TRPM3: variants seen among roughly 807,000 people sequenced by gnomAD.
TRPM3 encodes the protein long transient receptor potential channel 3.
A neutral mutation model predicts 181.2 loss-of-function variants in TRPM3; 77 were observed. The observed-to-expected ratio is 0.42, with a 90% confidence interval of 0.35 to 0.51. TRPM3 has a LOEUF of 0.51. Ranked by LOEUF, TRPM3 falls within the 20% of genes least tolerant of loss-of-function variation. TRPM3 has a pLI of 0.01. For missense variants in TRPM3, 1,759 were observed against 2,196.7 expected (o/e 0.80, Z 3.98); for synonymous variants, 745 against 796.4 (o/e 0.94, Z 1.09).
At chr9:70,619,162 C>T (rs1275675004) in intron 16 of TRPM3, 67 bp from the exon 17 acceptor site, 6 of 1,372,822 alleles carry the variant, frequency 4.4e-6, no homozygotes, top group Non-Finnish European at 6.0e-6. Context: ...AAAAGTGGAC[C>T]TGCTGGCCAA....
At chr9:70,806,395 A>G (rs1385788752) in intron 6 of TRPM3, among the ~76,000 whole-genome samples, 3 of 152,154 alleles carry the variant, frequency 2.0e-5, no homozygotes, top group African/African-American at 7.2e-5. Context: ...TAAGGGGTTC[A>G]AGGTTAACAA....
intron 9 of TRPM3, among the ~76,000 whole-genome samples, chr9:70,681,256 T>C (rs944103514): frequency 6.6e-6 from 1 of 152,178 alleles, no homozygotes; most frequent in Non-Finnish European, 1.5e-5. Context: ...TTTTTCTTTA[T>C]ATACGTTTAT....
intron 1 of TRPM3, among the ~76,000 whole-genome samples, chr9:71,295,822 G>A (rs1041955584): frequency 7.7e-6 from 1 of 130,440 alleles, no homozygotes; most frequent in East Asian, 2.3e-4. Flanking sequence ...TTGGGCAACA[G>A]AGTGAGATCC....
chr9:70,630,112 T>G (rs1455671459), intron 12 of TRPM3, among the ~76,000 whole-genome samples: 1 of 152,146 alleles, frequency 6.6e-6, no homozygotes, highest in Non-Finnish European at 1.5e-5. Flanking sequence ...GGGGAACTTA[T>G]GGATACTCAT....
At chr9:70,635,345 G>T (rs2056983695) in intron 11 of TRPM3, 84 bp from the exon 12 acceptor site, 1 of 1,216,712 alleles carries the variant, frequency 8.2e-7, no homozygotes. Context: ...AAGGAAGGGT[G>T]CTGGCTGGTG....
intron 1 of TRPM3, among the ~76,000 whole-genome samples, chr9:71,097,639 T>A (rs570100495): frequency 1.2e-4 from 19 of 152,052 alleles, no homozygotes; most frequent in Non-Finnish European, 1.9e-4. Flanking sequence ...GTCCCACTAT[T>A]CCAGCTTATG....
At chr9:70,820,498 G>C (rs1166581478) in intron 6 of TRPM3, among the ~76,000 whole-genome samples, 1 of 152,118 alleles carries the variant, frequency 6.6e-6, no homozygotes, top group Non-Finnish European at 1.5e-5. Context: ...CAAAGTGCTG[G>C]GATCACAGGC....
chr9:70,895,555 T>C (rs1334137648), intron 1 of TRPM3, among the ~76,000 whole-genome samples: 2 of 152,192 alleles, frequency 1.3e-5, no homozygotes, highest in African/African-American at 4.8e-5. Context: ...ATAAATGGAC[T>C]ATAGAAAATT....
intron 5 of TRPM3, among the ~76,000 whole-genome samples, chr9:70,835,847 G>T (rs2094285256): frequency 6.6e-6 from 1 of 152,086 alleles, no homozygotes; most frequent in African/African-American, 2.4e-5. Context: ...AAGGATAATG[G>T]CTAAGAATAT....
intron 1 of TRPM3, among the ~76,000 whole-genome samples, chr9:71,190,975 T>C (rs1030419736): frequency 6.6e-6 from 1 of 151,922 alleles, no homozygotes; most frequent in South Asian, 2.1e-4. Context: ...CAATATTCAT[T>C]TTCTGAGCAT....
chr9:70,891,608 T>C (rs2096204176), intron 1 of TRPM3, among the ~76,000 whole-genome samples: 1 of 152,050 alleles, frequency 6.6e-6, no homozygotes, highest in South Asian at 2.1e-4. Flanking sequence ...AATAGCAAAA[T>C]TTGGAAAAAC....
intron 1 of TRPM3, among the ~76,000 whole-genome samples, chr9:71,352,043 T>A (rs2091667466): frequency 6.6e-6 from 1 of 151,902 alleles, no homozygotes; most frequent in Non-Finnish European, 1.5e-5. Flanking sequence ...ACCCGGCTAA[T>A]TTTTTGTATT....
intron 3 of TRPM3, among the ~76,000 whole-genome samples, chr9:70,850,995 T>C (rs983556938): frequency 6.6e-6 from 1 of 152,234 alleles, no homozygotes; most frequent in Non-Finnish European, 1.5e-5. Flanking sequence ...TAAAATTATT[T>C]GCCCCTTGCA....
chr9:71,359,289 G>C (rs1490571543), intron 1 of TRPM3, among the ~76,000 whole-genome samples: 2 of 152,168 alleles, frequency 1.3e-5, no homozygotes. Context: ...ACTGAGGTGG[G>C]TGTGTATGTG....
intron 1 of TRPM3, among the ~76,000 whole-genome samples, chr9:71,342,503 C>A (rs77972335): frequency 6.6e-6 from 1 of 151,300 alleles, no homozygotes. Flanking sequence ...CTCCATGAAG[C>A]GATATGAAAT....
intron 22 of TRPM3, among the ~76,000 whole-genome samples, chr9:70,581,959 CTTTCTTCCT>C (rs980317290): frequency 1.2e-4 from 5 of 43,422 alleles, no homozygotes; most frequent in Non-Finnish European, 2.7e-4. Flanking sequence ...CTTCTCCTTC[CTTTCTTCCT>C]TCCTTCTCTC....
chr9:70,993,790 AAAAAAAAAAAAAAAAG>A (rs1310929708), intron 1 of TRPM3, among the ~76,000 whole-genome samples: 1 of 142,134 alleles, frequency 7.0e-6, no homozygotes, highest in East Asian at 2.1e-4. Context: ...ATCTCAAAAA[AAAAAAAAAAAAAAAAG>A]AAAGAAAGAA....
At chr9:70,673,949 CAAAAA>C (rs5898160) in intron 9 of TRPM3, among the ~76,000 whole-genome samples, 1 of 89,646 alleles carries the variant, frequency 1.1e-5, no homozygotes, top group Admixed American at 1.4e-4. Context: ...AACTCCATCT[CAAAAA>C]AAAAAAAAAA....
intron 1 of TRPM3, among the ~76,000 whole-genome samples, chr9:71,041,127 G>C (rs2058764242): frequency 6.6e-6 from 1 of 152,044 alleles, no homozygotes; most frequent in Non-Finnish European, 1.5e-5. Flanking sequence ...CTTGCTTTGG[G>C]GAAAGTCAAA....
Sources: gnomAD v4.1 joint callset for allele counts (sites outside exome capture counted in the v4.1 genomes callset) on GRCh38, gnomAD v4.1.1 for gene constraint, MANE v1.5 for transcripts, NCBI Gene and HGNC (gene_info 2026-07-23, HGNC 2026-07-21) for gene names.